Variants in EPB41L2 observed in about 807,000 individuals in gnomAD.
EPB41L2 encodes erythrocyte membrane protein band 4.1 like 2.
A neutral mutation model predicts 113.0 loss-of-function variants in EPB41L2; 43 were observed. That is an observed-to-expected ratio of 0.38 (90% CI 0.30 to 0.49). The LOEUF (loss-of-function observed/expected upper bound fraction) is 0.49, where lower values mean the gene tolerates loss of function less well. Among genes scored for constraint, EPB41L2 ranks in the 20% least tolerant of loss-of-function variants. EPB41L2 has a pLI of 0.95. For missense variants in EPB41L2, 1,147 were observed against 1,223.4 expected (o/e 0.94, Z 0.93); for synonymous variants, 442 against 436.7 (o/e 1.01, Z -0.15).
chr6:130,950,745 C>T (rs1472127128), intron 3 of EPB41L2, among the ~76,000 whole-genome samples: 2 of 152,036 alleles, frequency 1.3e-5, no homozygotes, highest in African/African-American at 4.8e-5. Flanking sequence ...AAATTAAAGG[C>T]AATATATGCA....
At chr6:131,020,943 C>T (rs1789319168) in intron 1 of EPB41L2, among the ~76,000 whole-genome samples, 1 of 152,152 alleles carries the variant, frequency 6.6e-6, no homozygotes, top group Admixed American at 6.5e-5. Flanking sequence ...GCATGTGCCA[C>T]CCCACCAGGC....
chr6:130,973,286 A>G (rs1777385118), intron 1 of EPB41L2, among the ~76,000 whole-genome samples: 2 of 148,166 alleles, frequency 1.3e-5, no homozygotes. Flanking sequence ...TTTTTTTTTT[A>G]AGTCATTCTA....
chr6:130,857,376 CACAGT>C (rs1282612919), intron 19 of EPB41L2, among the ~76,000 whole-genome samples: 2 of 152,078 alleles, frequency 1.3e-5, no homozygotes, highest in Admixed American at 6.6e-5. Context: ...TTCTTAATGA[CACAGT>C]AGAGTTCTTA....
chr6:130,953,608 T>A (rs1276751180), intron 3 of EPB41L2, among the ~76,000 whole-genome samples: 1 of 151,954 alleles, frequency 6.6e-6, no homozygotes, highest in African/African-American at 2.4e-5. Context: ...ACGGCGCATG[T>A]ATACATATGT....
intron 18 of EPB41L2, among the ~76,000 whole-genome samples, chr6:130,859,958 G>C (rs1781505368): frequency 6.6e-6 from 1 of 152,184 alleles, no homozygotes; most frequent in South Asian, 2.1e-4. Flanking sequence ...ATGGCTGGAG[G>C]GCTAGCGTGG....
At chr6:131,037,875 C>T (rs897655174) in intron 1 of EPB41L2, among the ~76,000 whole-genome samples, 2 of 152,070 alleles carry the variant, frequency 1.3e-5, no homozygotes, top group African/African-American at 2.4e-5. Flanking sequence ...AGGCATGAGC[C>T]ATCGCACCCA....
At chr6:130,858,440 A>C in intron 18 of EPB41L2, 197 bp from the exon 19 acceptor site, 1 of 475,814 alleles carries the variant, frequency 2.1e-6, no homozygotes, top group African/African-American at 2.0e-5. Context: ...TAAATCTCCC[A>C]ATTCTTCAGT....
chr6:130,880,066 G>GC (rs1788788434), intron 13 of EPB41L2, 78 bp downstream of exon 13: 3 of 1,074,124 alleles, frequency 2.8e-6, no homozygotes, highest in Non-Finnish European at 4.2e-6. Context: ...AACATTGCCA[G>GC]CCAGCCTAGG....
intron 1 of EPB41L2, among the ~76,000 whole-genome samples, chr6:130,961,980 A>G (rs1773686708): frequency 1.3e-5 from 2 of 152,310 alleles, no homozygotes; most frequent in South Asian, 4.1e-4. Context: ...AGTTCTGGCC[A>G]TTTTCTACAT....
chr6:130,900,137 G>A (rs1196937699), intron 7 of EPB41L2, among the ~76,000 whole-genome samples: 3 of 152,228 alleles, frequency 2.0e-5, no homozygotes, highest in East Asian at 1.9e-4. Flanking sequence ...CCCATGGCAT[G>A]TCAGTACCTG....
At chr6:131,019,329 C>T (rs1055595963) in intron 1 of EPB41L2, among the ~76,000 whole-genome samples, 3 of 152,194 alleles carry the variant, frequency 2.0e-5, no homozygotes, top group African/African-American at 7.2e-5. Context: ...TCCCTAGACT[C>T]ACTTAAGTTT....
chr6:131,043,807 T>C (rs1270388416), intron 1 of EPB41L2, among the ~76,000 whole-genome samples: 3 of 152,212 alleles, frequency 2.0e-5, no homozygotes, highest in Non-Finnish European at 2.9e-5. Flanking sequence ...TCATCTTTTA[T>C]AGATACGTAG....
intron 8 of EPB41L2, among the ~76,000 whole-genome samples, chr6:130,898,419 T>C (rs1032253127): frequency 6.6e-6 from 1 of 152,134 alleles, no homozygotes; most frequent in African/African-American, 2.4e-5. Flanking sequence ...CATCTACAGA[T>C]TGGCAGGGTC....
intron 1 of EPB41L2, among the ~76,000 whole-genome samples, chr6:131,056,074 A>G (rs911955159): frequency 5.3e-5 from 8 of 152,238 alleles, no homozygotes; most frequent in African/African-American, 1.9e-4. Context: ...CTAGCCTAAA[A>G]TAAGGATATT....
chr6:130,924,226 T>A (rs1803856551), intron 4 of EPB41L2, among the ~76,000 whole-genome samples: 1 of 152,238 alleles, frequency 6.6e-6, no homozygotes, highest in African/African-American at 2.4e-5. Context: ...CACCACATTT[T>A]CTTTATTCAC....
chr6:131,054,398 CTGCTAGTATT>C (rs1487872208), intron 1 of EPB41L2, among the ~76,000 whole-genome samples: 1 of 152,218 alleles, frequency 6.6e-6, no homozygotes, highest in Non-Finnish European at 1.5e-5. Flanking sequence ...TTGCTAGTCT[CTGCTAGTATT>C]TGCTAGTCTT....
intron 1 of EPB41L2, among the ~76,000 whole-genome samples, chr6:131,017,273 T>C (rs140472728): frequency 6.6e-6 from 1 of 152,296 alleles, no homozygotes; most frequent in Non-Finnish European, 1.5e-5. Flanking sequence ...GGTTTCAGTA[T>C]CCCAGCAAGT....
intron 1 of EPB41L2, among the ~76,000 whole-genome samples, chr6:131,006,027 A>C (rs925819641): frequency 6.6e-6 from 1 of 151,992 alleles, no homozygotes; most frequent in South Asian, 2.1e-4. Context: ...CCCAAAAAGA[A>C]GTCCTTCTTG....
intron 1 of EPB41L2, among the ~76,000 whole-genome samples, chr6:131,060,363 A>G (rs1209024100): frequency 6.6e-6 from 1 of 152,236 alleles, no homozygotes; most frequent in Non-Finnish European, 1.5e-5. Context: ...ACTGTACAAT[A>G]TTACTAATTA....
Sources: gnomAD v4.1 joint callset for allele counts (sites outside exome capture counted in the v4.1 genomes callset) on GRCh38, gnomAD v4.1.1 for gene constraint, MANE v1.5 for transcripts, NCBI Gene and HGNC (gene_info 2026-07-23, HGNC 2026-07-21) for gene names.